Variants in ANXA4 observed in about 807,000 individuals in gnomAD.
ANXA4 encodes the protein 35-beta calcimedin.
In ANXA4, 39 loss-of-function variants were observed where a neutral mutation model predicts 49.8. The observed-to-expected ratio is 0.78, with a 90% CI of 0.61 to 1.02. The LOEUF is 1.02. Ranked by LOEUF, ANXA4 falls within the 50% of genes least tolerant of loss-of-function variation. The pLI is 0.00. For missense variants in ANXA4, 360 were observed against 410.1 expected (o/e 0.88, Z 1.05); for synonymous variants, 134 against 152.5 (o/e 0.88, Z 0.89).
Position 69,809,243 on chromosome 2 carries a change from G to A in ANXA4, c.397+1247G>A, listed in dbSNP as rs76381997. On this transcript the variant is annotated intron_variant, in intron 6 of 12. Coordinates refer to ENST00000394295, the MANE Select transcript of ANXA4 (RefSeq NM_001153.5). ...TTTGTTTTTTCCTAAGCCTTCTGTGGTCAACATGTGTTACCTTTATAGAAA... is the reference window on the plus strand; with the variant it reads ...TTTGTTTTTTCCTAAGCCTTCTGTGATCAACATGTGTTACCTTTATAGAAA... 8.5e-5 allele frequency: 13 copies of A among 152,188 alleles called. No individual in the cohort carries two copies. The East Asian group carries it at 2.5e-3, about 29-fold the overall frequency. 9.4% of individuals were successfully genotyped at this position (152,188 alleles called of 1,614,324 possible).
chr2:69,767,717 A>G (rs931050328), intron 1 of ANXA4, among the ~76,000 whole-genome samples: 1 of 152,228 alleles, frequency 6.6e-6, no homozygotes, highest in Non-Finnish European at 1.5e-5. Flanking sequence ...AGTGTGGTCC[A>G]GTTTCCATCA....
Position 69,810,659 on chromosome 2 carries a change from G to T in ANXA4, c.463G>T (p.Val155Leu). The change falls in exon 7 of 13, where the codon GTG (valine) becomes TTG (leucine). Residue 155 changes from valine to leucine, a missense_variant. By Grantham distance (32) the Val-to-Leu change is conservative. Coordinates refer to ENST00000394295, the MANE Select transcript of ANXA4 (RefSeq NM_001153.5). ...ATCGTTCATGTTCCAGCGAGTGCTG[G>T]TGTCTCTGTCAGCTGTGAGTGACTG... ...DTSFMFQRVLVSLSAGGRDEG... is the reference protein window; with the variant it reads ...DTSFMFQRVLLSLSAGGRDEG... 1 of 1,613,958 alleles carries T rather than the reference G, an allele frequency of 6.2e-7. No individual in the cohort carries two copies. The highest frequency in any genetic ancestry group is 8.5e-7 in the Non-Finnish European group (1 of 1,179,902).
intron 2 of ANXA4, among the ~76,000 whole-genome samples, chr2:69,657,096 G>T (rs1676532333): frequency 6.6e-6 from 1 of 150,978 alleles, no homozygotes; most frequent in Non-Finnish European, 1.5e-5. Context: ...CTGGGTTCAA[G>T]CAATTCTCCT....
At chr2:69,706,045 CA>C (rs1472429487) in intron 2 of ANXA4, among the ~76,000 whole-genome samples, 1 of 150,946 alleles carries the variant, frequency 6.6e-6, no homozygotes, top group Non-Finnish European at 1.5e-5. Flanking sequence ...AGTGTGAGAA[CA>C]AAAAAAGAAA....
intron 3 of ANXA4, among the ~76,000 whole-genome samples, chr2:69,730,563 G>A (rs1670071258): frequency 6.6e-6 from 1 of 152,104 alleles, no homozygotes; most frequent in Non-Finnish European, 1.5e-5. Flanking sequence ...TAAGATGGGG[G>A]TTTCTGAGGT....
In ANXA4 at chr2:69,761,572, G is replaced by A. The variant is rs143085470; in HGVS notation, c.-47+19397G>A. 1.9e-4 allele frequency among the ~76,000 whole-genome samples: 29 copies of A among 152,118 alleles called. 1 individual carries two copies. The East Asian group carries it at 5.2e-3, about 27-fold the overall frequency. On this transcript the variant is annotated intron_variant, in intron 1 of 12. Transcript: ENST00000394295. Reference sequence around the variant, plus strand: ...TCTCTTGTTCTTTACTGTGCCAGCCGTGATGCTTCTGCTACTCCACTCAAT... The same window carrying A: ...TCTCTTGTTCTTTACTGTGCCAGCCATGATGCTTCTGCTACTCCACTCAAT...
intron 2 of ANXA4, among the ~76,000 whole-genome samples, chr2:69,656,551 CTTT>C (rs34322550): frequency 9.6e-6 from 1 of 103,992 alleles, no homozygotes; most frequent in African/African-American, 3.9e-5. Flanking sequence ...ACAGTAGTTC[CTTT>C]TTTTTTTTTT....
At chr2:69,672,734 T>TA in intron 2 of ANXA4, among the ~76,000 whole-genome samples, 1 of 152,162 alleles carries the variant, frequency 6.6e-6, no homozygotes, top group East Asian at 1.9e-4. Context: ...GAGAGGGAAG[T>TA]AAATGGGTTT....
chr2:69,807,653 C>A (rs144922749), intron 5 of ANXA4, among the ~76,000 whole-genome samples: 1 of 152,306 alleles, frequency 6.6e-6, no homozygotes, highest in African/African-American at 2.4e-5. Context: ...CCCCAGAGGG[C>A]AGAAACCATA....
At chr2:69,825,082 A>C (rs953524595) in intron 12 of ANXA4, among the ~76,000 whole-genome samples, 15 of 150,428 alleles carry the variant, frequency 1.0e-4, no homozygotes, top group Non-Finnish European at 2.2e-4. Flanking sequence ...AAAAAAAAAA[A>C]AAAAAAAACC....
At chr2:69,657,349 T>C (rs555493197) in intron 2 of ANXA4, among the ~76,000 whole-genome samples, 24 of 152,216 alleles carry the variant, frequency 1.6e-4, no homozygotes, top group Non-Finnish European at 3.2e-4. Flanking sequence ...AGTTGACATA[T>C]AGAAATTTTC....
chr2:69,771,213 G>T (rs1671704607), intron 1 of ANXA4, among the ~76,000 whole-genome samples: 1 of 151,898 alleles, frequency 6.6e-6, no homozygotes, highest in Non-Finnish European at 1.5e-5. Context: ...TAGCCTAAAA[G>T]GTGCTTGGCA....
At chr2:69,693,191 A>T (rs1678032281) in intron 2 of ANXA4, among the ~76,000 whole-genome samples, 1 of 152,146 alleles carries the variant, frequency 6.6e-6, no homozygotes, top group African/African-American at 2.4e-5. Flanking sequence ...GCTCCTATTA[A>T]TAGCTGCCTG....
intron 2 of ANXA4, among the ~76,000 whole-genome samples, chr2:69,686,360 T>A (rs2105365528): frequency 6.6e-6 from 1 of 152,172 alleles, no homozygotes; most frequent in South Asian, 2.1e-4. Context: ...AATTTTTGTA[T>A]TTTTAGTAGA....
At chr2:69,774,942 G>A (rs1326199906) in intron 1 of ANXA4, among the ~76,000 whole-genome samples, 1 of 152,152 alleles carries the variant, frequency 6.6e-6, no homozygotes, top group Non-Finnish European at 1.5e-5. Flanking sequence ...AGAGCTGTGG[G>A]TCCTGCATCA....
At chr2:69,739,934 A>G (rs1451518641), upstream of ANXA4, among the ~76,000 whole-genome samples, 1 of 152,124 alleles carries the variant, frequency 6.6e-6, no homozygotes, top group Non-Finnish European at 1.5e-5. Context: ...ATGGTTTCTG[A>G]TGAAGTTTAT....
chr2:69,712,388 T>G (rs534044681), intron 2 of ANXA4, among the ~76,000 whole-genome samples: 1 of 152,360 alleles, frequency 6.6e-6, no homozygotes, highest in South Asian at 2.1e-4. Flanking sequence ...GGTTATTCAC[T>G]CCGAGTCTAA....
intron 12 of ANXA4, among the ~76,000 whole-genome samples, 197 bp from the exon 13 acceptor site, chr2:69,825,259 A>T (rs1191928597): frequency 6.6e-6 from 1 of 152,158 alleles, no homozygotes; most frequent in Non-Finnish European, 1.5e-5. Flanking sequence ...AGATGATGGA[A>T]TAATGGTTGA....
At chr2:69,743,363 G>A (rs966180620) in intron 1 of ANXA4, among the ~76,000 whole-genome samples, 3 of 148,526 alleles carry the variant, frequency 2.0e-5, no homozygotes, top group Non-Finnish European at 4.4e-5. Flanking sequence ...GACTACAGGC[G>A]TGTGCCAACA....
Sources: gnomAD v4.1 joint callset for allele counts (sites outside exome capture counted in the v4.1 genomes callset) on GRCh38, gnomAD v4.1.1 for gene constraint, MANE v1.5 for transcripts, NCBI Gene and HGNC (gene_info 2026-07-23, HGNC 2026-07-21) for gene names.